CTNND2: variants seen among roughly 807,000 people sequenced by gnomAD.
The protein encoded by CTNND2 is catenin delta 2, also known as catenin delta-2.
CTNND2 carries 22 observed loss-of-function variants against 144.4 expected under a neutral mutation model. The ratio of observed to expected loss-of-function variants is 0.15; its 90% CI spans 0.11 to 0.22. The LOEUF is 0.22. Ranked by LOEUF, CTNND2 falls within the 10% of genes least tolerant of loss-of-function variation. The pLI is 1.00. For synonymous variants in CTNND2, 751 were observed against 695.6 expected (o/e 1.08, Z -1.25); for missense variants, 1,353 against 1,618.8 (o/e 0.84, Z 2.82).
chr5:11,882,401 T>A (rs1031815926), intron 1 of CTNND2, among the ~76,000 whole-genome samples: 4 of 152,132 alleles, frequency 2.6e-5, no homozygotes, highest in African/African-American at 9.7e-5. Context: ...GATTCTTCTA[T>A]ATGCTGAGAG....
intron 2 of CTNND2, among the ~76,000 whole-genome samples, chr5:11,619,800 G>A (rs1387566218): frequency 1.3e-5 from 2 of 152,130 alleles, no homozygotes; most frequent in African/African-American, 4.8e-5. Context: ...AGCTAGAGTC[G>A]TAACCCTTCT....
At chr5:11,593,140 AC>A (rs1211111273) in intron 2 of CTNND2, among the ~76,000 whole-genome samples, 2 of 152,178 alleles carry the variant, frequency 1.3e-5, no homozygotes, top group African/African-American at 2.4e-5. Flanking sequence ...CACATGCATG[AC>A]CTTGGAGTAG....
chr5:10,996,331 T>C (rs984128293), intron 18 of CTNND2, among the ~76,000 whole-genome samples: 6 of 152,084 alleles, frequency 3.9e-5, no homozygotes, highest in Non-Finnish European at 1.5e-5. Flanking sequence ...GGCCACAGGC[T>C]GTTGGGAGGA....
At chr5:11,392,703 C>T (rs1271177473) in intron 6 of CTNND2, among the ~76,000 whole-genome samples, 1 of 152,138 alleles carries the variant, frequency 6.6e-6, no homozygotes, top group Non-Finnish European at 1.5e-5. Flanking sequence ...ATCTTAAAAA[C>T]AAATATTCTG....
At chr5:11,100,010 A>C (rs1377078897) in intron 14 of CTNND2, among the ~76,000 whole-genome samples, 1 of 152,072 alleles carries the variant, frequency 6.6e-6, no homozygotes, top group Non-Finnish European at 1.5e-5. Context: ...TGTGTGTATA[A>C]ATATGAAAAA....
intron 3 of CTNND2, among the ~76,000 whole-genome samples, chr5:11,544,372 T>C (rs1425933354): frequency 6.6e-6 from 1 of 152,182 alleles, no homozygotes; most frequent in Non-Finnish European, 1.5e-5. Context: ...TAGAAAATGG[T>C]AAAACCACTT....
rs138102372 is a variant in CTNND2, at chr5:11,678,459, G to A, written c.174+53677C>T. Reference sequence around the variant, plus strand: ...AATCCATCACCTAGATAGTGCAAGCGGCCACAATGCTGACGATGGAGTCTT... The same window carrying A: ...AATCCATCACCTAGATAGTGCAAGCAGCCACAATGCTGACGATGGAGTCTT... On this transcript the variant is annotated intron_variant, in intron 2 of 21. Coordinates refer to ENST00000304623, the MANE Select transcript of CTNND2 (RefSeq NM_001332.4). 1.3e-3 allele frequency among the ~76,000 whole-genome samples: 198 copies of A among 152,162 alleles called. 1 individual carries two copies. Among genetic ancestry groups the A allele is most frequent in the African/African-American group, 4.5e-3 (187 of 41,496 alleles).
intron 17 of CTNND2, among the ~76,000 whole-genome samples, chr5:11,021,821 G>A (rs1389478989): frequency 6.6e-6 from 1 of 151,930 alleles, no homozygotes; most frequent in African/African-American, 2.4e-5. Flanking sequence ...ATGGGGGGTG[G>A]GGGTGGCTTG....
At chr5:11,634,760 C>G (rs750507148) in intron 2 of CTNND2, among the ~76,000 whole-genome samples, 4 of 152,062 alleles carry the variant, frequency 2.6e-5, no homozygotes, top group African/African-American at 9.7e-5. Flanking sequence ...TGATGGAAAG[C>G]AGAAGAATCT....
At chr5:11,066,316 G>T (rs572675547) in intron 16 of CTNND2, among the ~76,000 whole-genome samples, 1 of 152,332 alleles carries the variant, frequency 6.6e-6, no homozygotes, top group African/African-American at 2.4e-5. Context: ...GGGATTACAG[G>T]CATGCGCCAC....
intron 1 of CTNND2, among the ~76,000 whole-genome samples, chr5:11,823,198 T>G (rs1309504017): frequency 6.6e-6 from 1 of 152,236 alleles, no homozygotes; most frequent in Admixed American, 6.5e-5. Context: ...ATTAAAGACC[T>G]GCACATGGGA....
intron 9 of CTNND2, among the ~76,000 whole-genome samples, chr5:11,297,761 A>G (rs547658487): frequency 2.0e-5 from 3 of 152,150 alleles, no homozygotes; most frequent in Non-Finnish European, 4.4e-5. Context: ...GGACAGGAGG[A>G]GTGGGGTGAC....
chr5:11,642,787 T>C (rs1241944673), intron 2 of CTNND2, among the ~76,000 whole-genome samples: 1 of 152,226 alleles, frequency 6.6e-6, no homozygotes, highest in Non-Finnish European at 1.5e-5. Context: ...TTCTAAGCAA[T>C]GTCACAGATA....
At position 11,022,930 on chromosome 5, in the gene CTNND2, G is replaced by A; in HGVS notation, c.2838C>T (p.Asn946=). Residue 946 remains asparagine, a synonymous_variant, in exon 17 of 22, where the codon AAC becomes AAT. Transcript: ENST00000304623. ...TGGCCTTGCTTGCAGTGTTGTTGCT[G>A]TTGTTCCCTCCTGGAAGCCTGTGGA... ...DLVHRLPGGN[N]SNNTASKAMS... 1 of 1,614,208 alleles carries A rather than the reference G, an allele frequency of 6.2e-7. No homozygotes were observed. The highest frequency in any genetic ancestry group is 8.5e-7 in the Non-Finnish European group (1 of 1,180,040).
At chr5:11,590,954 T>C (rs560990890) in intron 2 of CTNND2, among the ~76,000 whole-genome samples, 15 of 152,352 alleles carry the variant, frequency 9.8e-5, no homozygotes, top group African/African-American at 2.6e-4. Context: ...TTTTATACAA[T>C]TGCTTGTCTA....
intron 3 of CTNND2, among the ~76,000 whole-genome samples, chr5:11,469,275 T>C (rs779836841): frequency 6.6e-6 from 1 of 152,124 alleles, no homozygotes; most frequent in Non-Finnish European, 1.5e-5. Context: ...AAATCAGATA[T>C]GTATTAATAT....
At chr5:11,530,918 C>T (rs1308134159) in intron 3 of CTNND2, among the ~76,000 whole-genome samples, 1 of 152,024 alleles carries the variant, frequency 6.6e-6, no homozygotes, top group African/African-American at 2.4e-5. Flanking sequence ...AACTTACAAA[C>T]GCACACAAAA....
At chr5:11,748,499 A>G (rs1788438122) in intron 1 of CTNND2, among the ~76,000 whole-genome samples, 1 of 152,102 alleles carries the variant, frequency 6.6e-6, no homozygotes, top group African/African-American at 2.4e-5. Context: ...ATAATTAGAT[A>G]TTATGAAAAG....
chr5:11,431,744 G>T (rs1390701595), intron 3 of CTNND2, among the ~76,000 whole-genome samples: 1 of 152,054 alleles, frequency 6.6e-6, no homozygotes, highest in Non-Finnish European at 1.5e-5. Flanking sequence ...CTCAGTTATT[G>T]CCATATGGAG....
Sources: gnomAD v4.1 joint callset for allele counts (sites outside exome capture counted in the v4.1 genomes callset) on GRCh38, gnomAD v4.1.1 for gene constraint, MANE v1.5 for transcripts, NCBI Gene and HGNC (gene_info 2026-07-23, HGNC 2026-07-21) for gene names.